DOCK10: variants seen among roughly 807,000 people sequenced by gnomAD.
DOCK10 encodes dedicator of cytokinesis 10.
A neutral mutation model predicts 280.1 loss-of-function variants in DOCK10; 145 were observed. The ratio of observed to expected loss-of-function variants is 0.52; its 90% CI spans 0.45 to 0.59. DOCK10 has a LOEUF of 0.59. Among genes scored for constraint, DOCK10 ranks in the 20% least tolerant of loss-of-function variants. DOCK10 has a pLI of 0.00. For synonymous variants in DOCK10, 915 were observed against 942.2 expected, an observed-to-expected ratio of 0.97 and a Z score of 0.53; for missense variants, 2,368 against 2,651.7, an observed-to-expected ratio of 0.89 and a Z score of 2.35.
rs375962596 is a variant in DOCK10, at chr2:224,849,256, G to T, written c.2235+251C>A. On this transcript the variant is annotated intron_variant, in intron 19 of 55. Coordinates refer to ENST00000258390, the MANE Select transcript of DOCK10 (RefSeq NM_014689.3). The stretch of plus-strand genomic sequence containing the variant: ...CCCAAAGTGCTGGGATTACAGGCGT[G>T]AGCCACTATACCCGGCCAGCATTCC... Among the ~76,000 whole-genome samples, 6 of 152,332 alleles carry T rather than the reference G, an allele frequency of 3.9e-5. No individual in the cohort carries two copies. The East Asian group carries it at 9.6e-4, about 24-fold the overall frequency.
chr2:224,957,869 A>G (rs548891734), intron 1 of DOCK10, among the ~76,000 whole-genome samples: 4 of 152,324 alleles, frequency 2.6e-5, no homozygotes, highest in Admixed American at 1.3e-4. Flanking sequence ...TATAATCTTC[A>G]ATAACTTAGA....
intron 1 of DOCK10, among the ~76,000 whole-genome samples, chr2:224,987,200 G>T (rs1412930614): frequency 1.3e-5 from 2 of 152,178 alleles, no homozygotes; most frequent in Non-Finnish European, 2.9e-5. Flanking sequence ...GAAAAGGTGG[G>T]AAACTTTTTC....
chr2:224,769,663 G>A (rs1012976996), intron 55 of DOCK10, among the ~76,000 whole-genome samples: 3 of 152,200 alleles, frequency 2.0e-5, no homozygotes, highest in African/African-American at 4.8e-5. Flanking sequence ...AGAACATGCT[G>A]TACACATCCC....
chr2:224,991,322 A>G (rs1706121837), intron 1 of DOCK10, among the ~76,000 whole-genome samples: 1 of 152,212 alleles, frequency 6.6e-6, no homozygotes, highest in South Asian at 2.1e-4. Context: ...TTGTCTTGGA[A>G]CATTAATTCT....
rs561587401 is a variant in DOCK10 at position 225,031,702 on chromosome 2, G to A, written c.123+10550C>T. On this transcript the variant is annotated intron_variant, in intron 1 of 55. Transcript: ENST00000258390. ...GTTCTGCTCATGTGGGTGCTGACAC[G>A]GCCTGGCACAGACCTTAAGCCAGAG... Among the ~76,000 whole-genome samples the A allele has an allele frequency of 6.3e-4, 96 of 152,292 alleles. No individual in the cohort carries two copies. The South Asian group carries it at 0.018, about 28-fold the overall frequency.
chr2:224,843,026 G>A (rs1429130213), intron 22 of DOCK10, among the ~76,000 whole-genome samples: 1 of 152,256 alleles, frequency 6.6e-6, no homozygotes, highest in South Asian at 2.1e-4. Flanking sequence ...GGGGAAGGGG[G>A]GTATCCACCC....
chr2:224,940,673 CA>C (rs1203611219), intron 1 of DOCK10, among the ~76,000 whole-genome samples: 1 of 152,174 alleles, frequency 6.6e-6, no homozygotes, highest in African/African-American at 2.4e-5. Context: ...AAGCCTTACC[CA>C]TTCAACCCAT....
At chr2:225,040,639 G>T (rs12328694) in intron 1 of DOCK10, among the ~76,000 whole-genome samples, 53,006 of 151,658 alleles carry the variant, frequency 0.35, 10,293 homozygotes, top group African/African-American at 0.53. Flanking sequence ...ACACACAACA[G>T]TTTAAGCTGT....
chr2:224,837,836 A>G lies in DOCK10; in HGVS notation c.2781-5T>C, dbSNP rs1200272236. On this transcript the variant is annotated splice_polypyrimidine_tract_variant and splice_region_variant and intron_variant, in intron 24 of 55. Transcript: ENST00000258390. ...GCCACAATGTCGGTCAGAACCCTGC[A>G]AAAGCAAAGCTGTTCAGTGGCCTTT... The G allele has an allele frequency of 6.2e-7, 1 of 1,613,702 alleles. No individual in the cohort carries two copies. Among genetic ancestry groups the G allele is most frequent in the African/African-American group, 1.3e-5 (1 of 75,070 alleles).
intron 1 of DOCK10, among the ~76,000 whole-genome samples, chr2:224,966,279 G>T (rs11679104): frequency 0.3 from 45,231 of 148,398 alleles, 7,417 homozygotes; most frequent in Non-Finnish European, 0.36. Context: ...AAGCACAATT[G>T]GATGGTGCCC....
chr2:224,845,257 T>C lies in DOCK10; in HGVS notation c.2427A>G (p.Ile809Met). 6.3e-7 allele frequency: 1 copy of C among 1,587,478 alleles called. No homozygotes were observed. The highest frequency in any genetic ancestry group is 8.6e-7 in the Non-Finnish European group (1 of 1,165,224). ...QIASQEYNIP[I>M]ATSLPPNYLS... ...AATAATTAGGAGGCAGACTTGTTGC[T>C]ATTGGGATGTTGTACTCTTGAGAAG... The change falls in exon 21 of 56, where the codon ATA (isoleucine) becomes ATG (methionine). Residue 809 changes from isoleucine to methionine, a missense_variant. Coordinates refer to ENST00000258390, the MANE Select transcript of DOCK10 (RefSeq NM_014689.3).
chr2:224,965,102 G>A (rs1422802894), intron 1 of DOCK10, among the ~76,000 whole-genome samples: 1 of 152,206 alleles, frequency 6.6e-6, no homozygotes, highest in African/African-American at 2.4e-5. Context: ...GCAATGAATA[G>A]GGTTGATTTT....
intron 53 of DOCK10, among the ~76,000 whole-genome samples, chr2:224,771,931 T>C (rs12694644): frequency 7.5e-6 from 1 of 132,458 alleles, no homozygotes. Flanking sequence ...TTTTTTTTTT[T>C]ATTTTTTGAG....
At chr2:224,892,971 C>T (rs186929287) in intron 4 of DOCK10, among the ~76,000 whole-genome samples, 6 of 152,308 alleles carry the variant, frequency 3.9e-5, no homozygotes, top group Admixed American at 2.0e-4. Flanking sequence ...AAATTCTTCC[C>T]CCAGGACCAT....
chr2:224,936,237 G>T (rs1702686246), intron 1 of DOCK10, among the ~76,000 whole-genome samples: 1 of 152,196 alleles, frequency 6.6e-6, no homozygotes, highest in African/African-American at 2.4e-5. Context: ...CAATTCTTCA[G>T]CAAAGTTAGT....
At chr2:225,038,373 A>G (rs889288041) in intron 1 of DOCK10, among the ~76,000 whole-genome samples, 6 of 152,132 alleles carry the variant, frequency 3.9e-5, no homozygotes, top group Non-Finnish European at 7.4e-5. Flanking sequence ...CGCTCACGTA[A>G]ACATGTTTAC....
intron 39 of DOCK10, 54 bp downstream of exon 39, chr2:224,804,058 G>C: frequency 1.0e-6 from 1 of 992,316 alleles, no homozygotes. Flanking sequence ...TGCATATACA[G>C]ACACACACAC....
chr2:224,790,925 T>C (rs1380606430), intron 47 of DOCK10, among the ~76,000 whole-genome samples: 2 of 152,226 alleles, frequency 1.3e-5, no homozygotes, highest in African/African-American at 2.4e-5. Flanking sequence ...TATGCTAATA[T>C]ATCATAGCAT....
At chr2:224,821,186 A>G (rs538144975) in intron 28 of DOCK10, among the ~76,000 whole-genome samples, 24 of 152,362 alleles carry the variant, frequency 1.6e-4, no homozygotes, top group African/African-American at 4.1e-4. Context: ...AATGTAGAAC[A>G]TTTTTATATG....
Sources: allele counts gnomAD v4.1 joint callset (sites outside exome capture counted in the v4.1 genomes callset), GRCh38; gene constraint gnomAD v4.1.1; transcripts MANE v1.5; gene names NCBI Gene and HGNC (gene_info 2026-07-23, HGNC 2026-07-21).